The following CERKL variants were observed in gnomAD, a reference collection of about 807,000 sequenced individuals.
CERKL encodes the protein CERK like autophagy regulator.
In CERKL, 61 loss-of-function variants were observed where a neutral mutation model predicts 63.4. That is an observed-to-expected ratio of 0.96 (90% CI 0.78 to 1.19). CERKL has a LOEUF of 1.19. Among genes scored for constraint, CERKL ranks in the 50% most tolerant of loss-of-function variants. The pLI, the probability that CERKL is intolerant of heterozygous loss-of-function variation, is 0.00. For missense variants in CERKL, 675 were observed against 655.5 expected, an observed-to-expected ratio of 1.03 and a Z score of -0.33; for synonymous variants, 250 against 230.5, an observed-to-expected ratio of 1.08 and a Z score of -0.77.
chr2:181,574,809 T>C (rs180972941), intron 2 of CERKL, among the ~76,000 whole-genome samples: 34 of 152,268 alleles, frequency 2.2e-4, no homozygotes, highest in Middle Eastern at 3.4e-3. Context: ...CTACAAGAAG[T>C]CAGTGTTTCA....
At chr2:181,574,729 T>C (rs1186871194) in intron 2 of CERKL, among the ~76,000 whole-genome samples, 1 of 152,106 alleles carries the variant, frequency 6.6e-6, no homozygotes, top group Non-Finnish European at 1.5e-5. Context: ...CGTTTAAAGA[T>C]TAAACAAGCA....
chr2:181,636,809 G>T (rs1003812660), intron 1 of CERKL, among the ~76,000 whole-genome samples: 9 of 151,948 alleles, frequency 5.9e-5, no homozygotes, highest in African/African-American at 2.2e-4. Flanking sequence ...CCCTCAGCCC[G>T]CCCAACAGAG....
chr2:181,633,481 G>A (rs1057201681), intron 1 of CERKL, among the ~76,000 whole-genome samples: 49 of 152,172 alleles, frequency 3.2e-4, no homozygotes, highest in Non-Finnish European at 6.2e-4. Context: ...TATCAAGTGT[G>A]AACATAATAC....
intron 3 of CERKL, among the ~76,000 whole-genome samples, chr2:181,569,242 T>C (rs1240305455): frequency 6.6e-6 from 1 of 152,180 alleles, no homozygotes; most frequent in Non-Finnish European, 1.5e-5. Flanking sequence ...AAAGAATCTT[T>C]TACACAGAAT....
At chr2:181,595,645 TA>T (rs1685173786) in intron 2 of CERKL, among the ~76,000 whole-genome samples, 1 of 152,220 alleles carries the variant, frequency 6.6e-6, no homozygotes, top group Non-Finnish European at 1.5e-5. Flanking sequence ...GCTCCTCCTC[TA>T]CCATCTACCG....
chr2:181,584,768 A>G (rs1329788651), intron 2 of CERKL, among the ~76,000 whole-genome samples: 1 of 151,712 alleles, frequency 6.6e-6, no homozygotes, highest in Non-Finnish European at 1.5e-5. Context: ...ATCCATTTTA[A>G]AAGGAAATTA....
At chr2:181,556,718 C>A (rs1212085537) in intron 5 of CERKL, among the ~76,000 whole-genome samples, 2 of 152,160 alleles carry the variant, frequency 1.3e-5, no homozygotes, top group Non-Finnish European at 2.9e-5. Flanking sequence ...GTGTATGTGC[C>A]TTTATAGCAG....
intron 2 of CERKL, among the ~76,000 whole-genome samples, chr2:181,591,185 T>A (rs1208862650): frequency 1.3e-5 from 2 of 151,964 alleles, no homozygotes; most frequent in African/African-American, 4.8e-5. Flanking sequence ...TGTAAAAAAG[T>A]ATAAAAATTT....
At position 181,596,872 on chromosome 2, in the gene CERKL, C is replaced by T. The variant is rs541361682; in HGVS notation, c.481+6965G>A. ...TATTTTATCAGAACCTCTCAATCCT[C>T]GGACTCAGGAATAAGTCCTAAGAAG... is the stretch of plus-strand genomic sequence containing the variant. On this transcript the variant is annotated intron_variant, in intron 2 of 12. Transcript: ENST00000410087. Among the ~76,000 whole-genome samples the T allele has an allele frequency of 8.5e-5, 13 of 152,220 alleles. No homozygotes were observed. The East Asian group carries it at 1.5e-3, about 18-fold the overall frequency.
intron 1 of CERKL, among the ~76,000 whole-genome samples, chr2:181,645,177 T>C (rs553859812): frequency 6.6e-6 from 1 of 152,144 alleles, no homozygotes; most frequent in African/African-American, 2.4e-5. Flanking sequence ...GAATTTTTTT[T>C]AAAAAAGAGT....
At position 181,558,720 on chromosome 2, in the gene CERKL, CA is replaced by C. The variant is rs780632196; in HGVS notation, c.678-13del. On this transcript the variant is annotated splice_polypyrimidine_tract_variant and intron_variant, in intron 4 of 12. Coordinates refer to ENST00000410087, the MANE Select transcript of CERKL (RefSeq NM_201548.5). The surrounding 1 kb of genome is among the most constrained non-coding windows in gnomAD (Gnocchi z 4.2). ...CAACACAGACAACACTAGAAAAATA[CA>C]AATCAAGCAAAGAAGGCAAAACTTC... The C allele has an allele frequency of 1.2e-5, 19 of 1,612,970 alleles. No homozygotes were observed. Among genetic ancestry groups the C allele is most frequent in the Middle Eastern group, 3.3e-4 (2 of 6,072 alleles).
chr2:181,560,411 G>A (rs377287992), intron 4 of CERKL, among the ~76,000 whole-genome samples: 1 of 152,168 alleles, frequency 6.6e-6, no homozygotes, highest in Non-Finnish European at 1.5e-5. Flanking sequence ...GCCTCCCTAT[G>A]AGCATGTTCT....
intron 1 of CERKL, among the ~76,000 whole-genome samples, chr2:181,612,814 A>G (rs1686023520): frequency 6.6e-6 from 1 of 152,104 alleles, no homozygotes; most frequent in Admixed American, 6.5e-5. Flanking sequence ...TTATGTATAT[A>G]TTACAATATA....
chr2:181,568,217 G>C (rs1160350836), intron 3 of CERKL, among the ~76,000 whole-genome samples: 1 of 152,110 alleles, frequency 6.6e-6, no homozygotes, highest in Non-Finnish European at 1.5e-5. Context: ...AACATTTCTT[G>C]GTTTGGTGAT....
In CERKL at chr2:181,558,647, C is replaced by T. The variant is rs756538383; in HGVS notation, c.739G>A (p.Ala247Thr). 1.9e-6 allele frequency: 3 copies of T among 1,613,032 alleles called. No homozygotes were observed. The highest frequency in any genetic ancestry group is 2.5e-6 in the Non-Finnish European group (3 of 1,179,164). Residue 247 changes from alanine to threonine, a missense_variant, in exon 5 of 13, where the codon GCT (alanine) becomes ACT (threonine). Coordinates refer to ENST00000410087, the MANE Select transcript of CERKL (RefSeq NM_201548.5). The surrounding 1 kb of genome is among the most constrained non-coding windows in gnomAD (Gnocchi z 4.2). ...SEVAHALLLR[A>T]QKNAGMETDR... ...GTTTCCATCCCAGCATTCTTCTGAG[C>T]TCTCAGAAGCAAAGCATGGGCTACT...
At chr2:181,547,990 T>C (rs1160983187) in intron 8 of CERKL, 143 bp from the exon 9 acceptor site, 23 of 715,708 alleles carry the variant, frequency 3.2e-5, no homozygotes, top group Non-Finnish European at 4.5e-5. Context: ...AGATAGTAAG[T>C]AAAAACGTAC....
intron 1 of CERKL, among the ~76,000 whole-genome samples, chr2:181,605,248 G>A (rs1381141057): frequency 1.3e-5 from 2 of 152,206 alleles, no homozygotes; most frequent in Non-Finnish European, 2.9e-5. Context: ...CCTGAGTTAA[G>A]GAGAACTGGG....
At chr2:181,635,011 T>C (rs1687113326) in intron 1 of CERKL, among the ~76,000 whole-genome samples, 1 of 152,166 alleles carries the variant, frequency 6.6e-6, no homozygotes, top group African/African-American at 2.4e-5. Context: ...CCAAAAGGCA[T>C]TCCATAGTTT....
At chr2:181,565,296 A>T in intron 4 of CERKL, 1 of 674,110 alleles carries the variant, frequency 1.5e-6, no homozygotes, top group Non-Finnish European at 2.7e-6. Context: ...AACTTTTTAA[A>T]TTCTCAAATA....
Sources: allele counts gnomAD v4.1 joint callset (sites outside exome capture counted in the v4.1 genomes callset), GRCh38; gene constraint gnomAD v4.1.1; non-coding constraint Gnocchi (gnomAD v3.1); transcripts MANE v1.5; gene names NCBI Gene and HGNC (gene_info 2026-07-23, HGNC 2026-07-21).